CAP2: variants seen among roughly 807,000 people sequenced by gnomAD.
The protein encoded by CAP2 is adenylyl cyclase-associated protein 2.
A neutral mutation model predicts 57.7 loss-of-function variants in CAP2; 24 were observed. That is an observed-to-expected ratio of 0.42 (90% CI 0.30 to 0.58). The LOEUF (loss-of-function observed/expected upper bound fraction) is 0.58. Among genes scored for constraint, CAP2 ranks in the 20% least tolerant of loss-of-function variants. The pLI is 0.22. For synonymous variants in CAP2, 194 were observed against 207.2 expected (o/e 0.94, Z 0.55); for missense variants, 501 against 590.3 (o/e 0.85, Z 1.57).
At chr6:17,446,453 G>C (rs536879460) in intron 3 of CAP2, among the ~76,000 whole-genome samples, 1 of 152,282 alleles carries the variant, frequency 6.6e-6, no homozygotes, top group South Asian at 2.1e-4. Flanking sequence ...GGGTTACCTT[G>C]GAATTCACGA....
intron 5 of CAP2, 117 bp from the exon 6 acceptor site, chr6:17,507,524 G>C (rs1309422793): frequency 2.5e-6 from 2 of 796,874 alleles, no homozygotes; most frequent in Non-Finnish European, 4.3e-6. Context: ...AGAGCAACAT[G>C]TGCCTCCCAC....
At chr6:17,529,003 C>A (rs1000704705) in intron 7 of CAP2, among the ~76,000 whole-genome samples, 11 of 151,802 alleles carry the variant, frequency 7.2e-5, no homozygotes, top group African/African-American at 2.7e-4. Flanking sequence ...ATCACTTAAG[C>A]CCAGGAGTTT....
chr6:17,422,346 C>CTTT (rs11320178), intron 2 of CAP2, among the ~76,000 whole-genome samples: 16 of 90,256 alleles, frequency 1.8e-4, no homozygotes, highest in Admixed American at 2.7e-4. Context: ...ACCAACTATG[C>CTTT]TTTTTTTTTT....
At chr6:17,408,968 C>CGAGAAAA (rs1759064567) in intron 1 of CAP2, among the ~76,000 whole-genome samples, 2 of 151,720 alleles carry the variant, frequency 1.3e-5, no homozygotes. Flanking sequence ...CACGCTCAGC[C>CGAGAAAA]CTATGATGAT....
intron 4 of CAP2, among the ~76,000 whole-genome samples, chr6:17,479,351 C>A (rs1408670763): frequency 6.6e-6 from 1 of 152,192 alleles, no homozygotes; most frequent in African/African-American, 2.4e-5. Flanking sequence ...CCCTCCTTTC[C>A]TCCACGCCTC....
At chr6:17,472,288 C>T (rs367966125) in intron 4 of CAP2, among the ~76,000 whole-genome samples, 1 of 24,280 alleles carries the variant, frequency 4.1e-5, no homozygotes, top group Non-Finnish European at 7.0e-5. Context: ...GAGCCGAGAT[C>T]CCGCCACTGC....
chr6:17,458,264 G>A (rs921528711), intron 3 of CAP2, among the ~76,000 whole-genome samples: 2 of 152,176 alleles, frequency 1.3e-5, no homozygotes, highest in African/African-American at 4.8e-5. Context: ...GTATATCCCA[G>A]CAATCAGGCT....
chr6:17,406,185 A>G (rs890560035), intron 1 of CAP2, among the ~76,000 whole-genome samples: 1 of 151,806 alleles, frequency 6.6e-6, no homozygotes, highest in African/African-American at 2.4e-5. Context: ...CTCGCCACAC[A>G]CCTCTACCCC....
intron 7 of CAP2, among the ~76,000 whole-genome samples, chr6:17,527,888 C>T (rs1162947621): frequency 6.6e-6 from 1 of 152,194 alleles, no homozygotes; most frequent in East Asian, 1.9e-4. Context: ...CAGGCGTGAG[C>T]CACTGTGCCT....
intron 1 of CAP2, among the ~76,000 whole-genome samples, chr6:17,398,420 C>T (rs1045720729): frequency 6.6e-6 from 1 of 152,094 alleles, no homozygotes; most frequent in African/African-American, 2.4e-5. Flanking sequence ...GATATTTCTC[C>T]TTGAACTTAG....
At chr6:17,459,391 C>T (rs1760665266) in intron 3 of CAP2, among the ~76,000 whole-genome samples, 1 of 152,178 alleles carries the variant, frequency 6.6e-6, no homozygotes, top group African/African-American at 2.4e-5. Context: ...AGAAGCTGAT[C>T]TCCAATATGA....
At chr6:17,544,877 T>C (rs771299535) in intron 11 of CAP2, among the ~76,000 whole-genome samples, 1 of 152,302 alleles carries the variant, frequency 6.6e-6, no homozygotes, top group Non-Finnish European at 1.5e-5. Context: ...TTCTGATCAC[T>C]ACATTTATCC....
chr6:17,540,553 A>T lies in CAP2; in HGVS notation c.827-420A>T, dbSNP rs552244580. On this transcript the variant is annotated intron_variant, in intron 8 of 12. Coordinates refer to ENST00000229922, the MANE Select transcript of CAP2 (RefSeq NM_006366.3). ...ATCACCTGAGGTCAGGAGTTCAAAG[A>T]CCAGCGTGGCCAACATGGTGAAACC... is the stretch of plus-strand genomic sequence containing the variant. Among the ~76,000 whole-genome samples, 88 of 152,244 alleles carry T rather than the reference A, an allele frequency of 5.8e-4. 1 individual carries two copies. The highest frequency in any genetic ancestry group is 1.9e-3 in the African/African-American group (79 of 41,544).
At position 17,475,520 on chromosome 6, in the gene CAP2, G is replaced by T. The variant is rs536290057; in HGVS notation, c.300+12447G>T. Among the ~76,000 whole-genome samples the T allele has an allele frequency of 5.0e-3, 763 of 152,270 alleles. 3 individuals are homozygous for T. Among genetic ancestry groups the T allele is most frequent in the East Asian group, 0.027 (138 of 5,172 alleles). On this transcript the variant is annotated intron_variant, in intron 4 of 12. Coordinates refer to ENST00000229922, the MANE Select transcript of CAP2 (RefSeq NM_006366.3). ...CCCCTTTTACTAAATGAATGCCTTG[G>T]AAGGGACCACGGAATGGTTCATTTC...
At chr6:17,507,352 C>A in intron 5 of CAP2, 40 bp downstream of exon 5, 1 of 1,604,222 alleles carries the variant, frequency 6.2e-7, no homozygotes. Context: ...CCTCATCACA[C>A]GTTTGGAGTA....
At chr6:17,535,553 C>T (rs566546250) in intron 7 of CAP2, among the ~76,000 whole-genome samples, 3 of 151,540 alleles carry the variant, frequency 2.0e-5, no homozygotes, top group Admixed American at 6.6e-5. Flanking sequence ...GGATTATAGG[C>T]GTGAGCCACC....
chr6:17,398,096 A>T (rs1758716545), intron 1 of CAP2, among the ~76,000 whole-genome samples: 1 of 152,210 alleles, frequency 6.6e-6, no homozygotes, highest in South Asian at 2.1e-4. Context: ...AAGTGTGGAA[A>T]ATCTAAAATT....
chr6:17,472,696 A>C (rs1761052208), intron 4 of CAP2, among the ~76,000 whole-genome samples: 1 of 152,176 alleles, frequency 6.6e-6, no homozygotes, highest in African/African-American at 2.4e-5. Flanking sequence ...ATGCTGGTTA[A>C]CACACAATAA....
rs138428171 is a variant in CAP2, at chr6:17,506,360, T to C, written c.301-809T>C. 7.6e-3 allele frequency among the ~76,000 whole-genome samples: 1,162 copies of C among 152,194 alleles called. 24 individuals carry two copies. The highest frequency in any genetic ancestry group is 0.027 in the African/African-American group (1,123 of 41,514). On this transcript the variant is annotated intron_variant, in intron 4 of 12. Transcript: ENST00000229922. ...TGTAAATATGATAAGCCATCACATTTTCTTAAAAAGGGCTGGGTGTGGTGG... is the reference window on the plus strand; with the variant it reads ...TGTAAATATGATAAGCCATCACATTCTCTTAAAAAGGGCTGGGTGTGGTGG...
Sources: gnomAD v4.1 joint callset for allele counts (sites outside exome capture counted in the v4.1 genomes callset) on GRCh38, gnomAD v4.1.1 for gene constraint, MANE v1.5 for transcripts, NCBI Gene and HGNC (gene_info 2026-07-23, HGNC 2026-07-21) for gene names.